NFKBIZ: variants seen among roughly 807,000 people sequenced by gnomAD.
NFKBIZ encodes NF-kappa-B inhibitor zeta.
Under a neutral mutation model 76.8 loss-of-function variants are expected in NFKBIZ, and 19 were observed. The ratio of observed to expected loss-of-function variants is 0.25; its 90% CI spans 0.17 to 0.36. The LOEUF is 0.36. Among genes scored for constraint, NFKBIZ ranks in the 10% least tolerant of loss-of-function variants. The probability of loss-of-function intolerance (pLI) is 1.00; values close to 1 mark genes in which losing one functional copy is unlikely to be tolerated. For missense variants in NFKBIZ, 829 were observed against 910.9 expected, an observed-to-expected ratio of 0.91 and a Z score of 1.16; for synonymous variants, 368 against 354.8, an observed-to-expected ratio of 1.04 and a Z score of -0.42.
chr3:101,850,908 A>G (rs1942948261), intron 1 of NFKBIZ, among the ~76,000 whole-genome samples: 1 of 152,156 alleles, frequency 6.6e-6, no homozygotes, highest in Admixed American at 6.5e-5. Context: ...TCTGGCTGAA[A>G]CTGTTCTGCT....
At chr3:101,858,646 G>A (rs1337716813) in intron 11 of NFKBIZ, among the ~76,000 whole-genome samples, 1 of 152,172 alleles carries the variant, frequency 6.6e-6, no homozygotes, top group Non-Finnish European at 1.5e-5. Context: ...GTGGTCGTGT[G>A]TTTCCTTCTA....
chr3:101,860,978 C>T lies in NFKBIZ; in HGVS notation c.*1607C>T, dbSNP rs1943126529. The T allele has an allele frequency of 6.6e-6, 1 of 152,034 alleles. No homozygotes were observed. The highest frequency in any genetic ancestry group is 6.6e-5 in the Admixed American group (1 of 15,258). 9.4% of individuals were successfully genotyped at this position (152,034 alleles called of 1,614,324 possible). A position where few individuals can be genotyped will look rare whatever the true frequency, so the allele number is the denominator to read the frequency against. On this transcript the variant is annotated 3_prime_UTR_variant, in exon 12 of 12. Coordinates refer to ENST00000326172, the MANE Select transcript of NFKBIZ (RefSeq NM_031419.4). ...ATGGTGTGATATGAACCAGTCCATTCACATTGGAAAAACTGATGGTTTTAA... is the reference window on the plus strand; with the variant it reads ...ATGGTGTGATATGAACCAGTCCATTTACATTGGAAAAACTGATGGTTTTAA...
Position 101,859,523 on chromosome 3 carries a change from TAAAAG to T in NFKBIZ, c.*160_*164del, listed in dbSNP as rs569663588. The T allele has an allele frequency of 6.3e-4, 298 of 476,032 alleles. 2 individuals carry two copies. Among genetic ancestry groups the T allele is most frequent in the African/African-American group, 2.1e-3 (109 of 51,346 alleles). 29.5% of individuals were successfully genotyped at this position (476,032 alleles called of 1,614,324 possible). ...TTCACTATTATATAGTGGGTTATAT[TAAAAG>T]AAAAGAAGAAAAATATCTAATTTCT... is the stretch of plus-strand genomic sequence containing the variant. On this transcript the variant is annotated 3_prime_UTR_variant, in exon 12 of 12. Coordinates refer to ENST00000326172, the MANE Select transcript of NFKBIZ (RefSeq NM_031419.4).
intron 11 of NFKBIZ, 159 bp downstream of exon 11, chr3:101,857,618 T>A: frequency 2.0e-6 from 2 of 985,446 alleles, no homozygotes; most frequent in Non-Finnish European, 2.4e-6. Flanking sequence ...GTGGAGTTAC[T>A]CTTCGTTTGG....
rs139824532 is a variant in NFKBIZ, at chr3:101,831,174, A to G, written c.-12+1486A>G. 4.2e-3 allele frequency among the ~76,000 whole-genome samples: 645 copies of G among 152,300 alleles called. 5 individuals carry two copies. The highest frequency in any genetic ancestry group is 0.015 in the African/African-American group (615 of 41,560). On this transcript the variant is annotated intron_variant, in intron 2 of 12. Coordinates refer to the NFKBIZ transcript ENST00000394054. ...AATCTGTAGAGGGTCTAATACTGTA[A>G]ATCATGCGTTCTTAGAGAGGGTGAT...
intron 2 of NFKBIZ, among the ~76,000 whole-genome samples, chr3:101,838,745 T>C (rs1051706227): frequency 3.3e-5 from 5 of 152,230 alleles, no homozygotes; most frequent in African/African-American, 9.6e-5. Context: ...GCATAGTCTT[T>C]TAGTAACTGA....
At chr3:101,832,151 C>T (rs1265259064) in intron 2 of NFKBIZ, among the ~76,000 whole-genome samples, 1 of 152,034 alleles carries the variant, frequency 6.6e-6, no homozygotes, top group East Asian at 1.9e-4. Flanking sequence ...GTTACCCAGA[C>T]TGGTCTCAAA....
chr3:101,855,240 G>T, intron 7 of NFKBIZ, 32 bp downstream of exon 7: 1 of 1,601,396 alleles, frequency 6.2e-7, no homozygotes, highest in African/African-American at 1.3e-5. Flanking sequence ...TTCCATCATT[G>T]CAAGGCCAGA....
intron 7 of NFKBIZ, 34 bp downstream of exon 7, chr3:101,855,242 A>G: frequency 1.9e-6 from 3 of 1,600,400 alleles, no homozygotes; most frequent in Non-Finnish European, 8.5e-7. Context: ...CCATCATTGC[A>G]AGGCCAGAGA....
At chr3:101,855,247 C>T in intron 7 of NFKBIZ, 39 bp downstream of exon 7, 1 of 1,600,726 alleles carries the variant, frequency 6.2e-7, no homozygotes, top group Non-Finnish European at 8.5e-7. Flanking sequence ...ATTGCAAGGC[C>T]AGAGAGATAG....
intron 2 of NFKBIZ, among the ~76,000 whole-genome samples, chr3:101,841,662 T>A (rs1049536446): frequency 6.6e-6 from 1 of 152,242 alleles, no homozygotes; most frequent in Non-Finnish European, 1.5e-5. Flanking sequence ...GCTATGGGGA[T>A]AATAAATTAT....
In NFKBIZ at chr3:101,853,391, T is replaced by A. The variant is rs1450591168; in HGVS notation, c.865T>A (p.Tyr289Asn). 1 of 1,613,944 alleles carries A rather than the reference T, an allele frequency of 6.2e-7. No homozygotes were observed. Among genetic ancestry groups the A allele is most frequent in the Admixed American group, 1.7e-5 (1 of 59,996 alleles). The change falls in exon 5 of 12, where the codon TAT becomes AAT. Residue 289 changes from tyrosine (Y) to asparagine (N), a missense_variant. Transcript: ENST00000326172. ...QMIDQASLYQ[Y>N]SPQNQHVEQQ... Reference sequence around the variant, plus strand: ...GATAGACCAGGCTTCCCTGTACCAGTATTCTCCACAGAACCAGCATGTAGA... The same window carrying A: ...GATAGACCAGGCTTCCCTGTACCAGAATTCTCCACAGAACCAGCATGTAGA...
intron 1 of NFKBIZ, among the ~76,000 whole-genome samples, 161 bp downstream of exon 1, chr3:101,850,078 G>A (rs748505249): frequency 2.6e-5 from 4 of 151,820 alleles, no homozygotes; most frequent in Non-Finnish European, 5.9e-5. Flanking sequence ...CGGGCCGGGC[G>A]CCTGCCTGAC....
chr3:101,847,116 C>CTTTA (rs1942862299), upstream of NFKBIZ, among the ~76,000 whole-genome samples: 9 of 152,260 alleles, frequency 5.9e-5, no homozygotes, highest in Admixed American at 5.9e-4. Flanking sequence ...GGGGATCTTA[C>CTTTA]TTTACTCTGT....
intron 2 of NFKBIZ, among the ~76,000 whole-genome samples, chr3:101,831,396 G>T (rs1442636335): frequency 6.6e-6 from 1 of 152,198 alleles, no homozygotes; most frequent in Non-Finnish European, 1.5e-5. Context: ...GAAAGGTTGA[G>T]ACATGTCATT....
upstream of NFKBIZ, among the ~76,000 whole-genome samples, chr3:101,845,965 AT>A (rs1412290906): frequency 3.3e-5 from 5 of 152,312 alleles, no homozygotes; most frequent in African/African-American, 1.2e-4. Flanking sequence ...TTAGATGAAG[AT>A]TTCAATCTCT....
chr3:101,858,396 A>G, intron 11 of NFKBIZ: 3 of 985,132 alleles, frequency 3.0e-6, no homozygotes, highest in Non-Finnish European at 3.6e-6. Context: ...ATTGATATTC[A>G]GAGAGGTTCC....
At chr3:101,851,236 C>T (rs537436066) in intron 1 of NFKBIZ, among the ~76,000 whole-genome samples, 2 of 152,264 alleles carry the variant, frequency 1.3e-5, no homozygotes, top group African/African-American at 4.8e-5. Flanking sequence ...AATTTGTGTT[C>T]AACACACATA....
upstream of NFKBIZ, among the ~76,000 whole-genome samples, chr3:101,847,967 A>G (rs183236079): frequency 9.6e-3 from 1,453 of 151,970 alleles, 24 homozygotes; most frequent in African/African-American, 0.033. Flanking sequence ...CTGACTGGGG[A>G]CCCTTTCATT....
Sources: allele counts gnomAD v4.1 joint callset (sites outside exome capture counted in the v4.1 genomes callset), GRCh38; gene constraint gnomAD v4.1.1; transcripts MANE v1.5; gene names NCBI Gene and HGNC (gene_info 2026-07-23, HGNC 2026-07-21).